The following BAZ1B variants were observed in gnomAD, a reference collection of about 807,000 sequenced individuals.
BAZ1B encodes the protein tyrosine-protein kinase BAZ1B.
Under a neutral mutation model 153.8 loss-of-function variants are expected in BAZ1B, and 22 were observed. The ratio of observed to expected loss-of-function variants is 0.14; its 90% CI spans 0.10 to 0.20. BAZ1B has a LOEUF of 0.20. Ranked by LOEUF, BAZ1B falls within the 10% of genes least tolerant of loss-of-function variation. The probability of loss-of-function intolerance (pLI) is 1.00; values close to 1 mark genes in which losing one functional copy is unlikely to be tolerated. For synonymous variants in BAZ1B, 676 were observed against 633.4 expected (o/e 1.07, Z -1.01); for missense variants, 1,325 against 1,799.3 (o/e 0.74, Z 4.77).
At chr7:73,499,156 T>C (rs782646034) in intron 3 of BAZ1B, among the ~76,000 whole-genome samples, 1 of 152,094 alleles carries the variant, frequency 6.6e-6, no homozygotes, top group South Asian at 2.1e-4. Flanking sequence ...GCCTCCGGAG[T>C]AGCTGGGACT....
At chr7:73,464,185 C>T in intron 11 of BAZ1B, 2 of 984,552 alleles carry the variant, frequency 2.0e-6, no homozygotes, top group Non-Finnish European at 2.4e-6. Context: ...TTCCTTCTCT[C>T]TTCCATCAAA....
At chr7:73,501,935 G>A (rs565684953) in intron 3 of BAZ1B, among the ~76,000 whole-genome samples, 138 of 142,302 alleles carry the variant, frequency 9.7e-4, no homozygotes, top group African/African-American at 3.6e-3. Context: ...CTGTCACCTA[G>A]GCTGGAGTGC....
Position 73,478,427 on chromosome 7 carries a change from G to T in BAZ1B, c.1034C>A (p.Ser345Ter). The T allele has an allele frequency of 1.2e-6, 2 of 1,613,118 alleles. No homozygotes were observed. The highest frequency in any genetic ancestry group is 2.2e-5 in the South Asian group (2 of 90,874). ...CACTTTGAGTGGCGAGCCACTCAAT[G>T]ACTTCTTCAAGTGTACGTGACACCA... is the stretch of plus-strand genomic sequence containing the variant. ...KLWCHVHLKKSLSGSPLKVKN... is the reference protein window; with the variant it reads ...KLWCHVHLKK The change falls in exon 7 of 20, where the codon TCA (serine) becomes TAA (stop). Residue 345 changes from serine to a stop codon, truncating the protein, a stop_gained. Transcript: ENST00000339594. LOFTEE classifies it high-confidence loss of function.
intron 16 of BAZ1B, 88 bp from the exon 17 acceptor site, chr7:73,444,217 A>T: frequency 7.1e-7 from 1 of 1,413,544 alleles, no homozygotes; most frequent in Non-Finnish European, 9.4e-7. Context: ...TGCAGGGAGA[A>T]TCCTTTTCCT....
At chr7:73,473,594 T>C (rs1376863301) in intron 7 of BAZ1B, among the ~76,000 whole-genome samples, 1 of 152,204 alleles carries the variant, frequency 6.6e-6, no homozygotes, top group African/African-American at 2.4e-5. Context: ...TACATATGTA[T>C]ACTCAGGCAC....
intron 4 of BAZ1B, among the ~76,000 whole-genome samples, chr7:73,497,368 T>C (rs184842161): frequency 5.8e-4 from 88 of 152,326 alleles, no homozygotes; most frequent in African/African-American, 1.9e-3. Flanking sequence ...TACAGTAGTA[T>C]AGTACGTACT....
intron 13 of BAZ1B, among the ~76,000 whole-genome samples, chr7:73,453,231 G>A (rs1382105865): frequency 6.6e-6 from 1 of 152,246 alleles, no homozygotes; most frequent in Non-Finnish European, 1.5e-5. Flanking sequence ...CCATTTTAAT[G>A]CAGAACACTG....
intron 4 of BAZ1B, 146 bp from the exon 5 acceptor site, chr7:73,493,067 A>T (rs1554575774): frequency 2.5e-6 from 2 of 791,970 alleles, no homozygotes; most frequent in African/African-American, 3.5e-5. Context: ...CTTAACTTCA[A>T]GGAGCTAAAG....
intron 12 of BAZ1B, 130 bp from the exon 13 acceptor site, chr7:73,459,848 A>G: frequency 1.3e-6 from 1 of 777,264 alleles, no homozygotes. Flanking sequence ...CGAGAGCCAC[A>G]TACCATTAAT....
At chr7:73,479,233 G>A (rs999218547) in intron 6 of BAZ1B, among the ~76,000 whole-genome samples, 1 of 151,990 alleles carries the variant, frequency 6.6e-6, no homozygotes, top group Non-Finnish European at 1.5e-5. Flanking sequence ...TTCTGGCCAG[G>A]CGCAGTGGCT....
At chr7:73,492,149 C>T (rs575496054) in intron 5 of BAZ1B, among the ~76,000 whole-genome samples, 1 of 151,922 alleles carries the variant, frequency 6.6e-6, no homozygotes, top group Non-Finnish European at 1.5e-5. Context: ...TGCGCCACCA[C>T]ACCTGGCAAA....
rs782313244 is a variant in BAZ1B, at chr7:73,521,859, G to T, written c.75C>A (p.Ile25=). 6.6e-7 allele frequency: 1 copy of T among 1,510,776 alleles called. No homozygotes were observed. Among genetic ancestry groups the T allele is most frequent in the Non-Finnish European group, 8.9e-7 (1 of 1,125,664 alleles). The allele number at this position is 1,510,776 out of a possible 1,614,324, so 93.6% of individuals were successfully genotyped here. ...TGCGGAAGGCCTCCTGAGTGTGCGG[G>T]ATGGTGAAGAGCGGCTCCTCTCCGG... is the stretch of plus-strand genomic sequence containing the variant. ...PLPGEEPLFT[I]PHTQEAFRTR... The change falls in exon 1 of 20, where the codon ATC becomes ATA. Residue 25 remains isoleucine, a synonymous_variant. Coordinates refer to ENST00000339594, the MANE Select transcript of BAZ1B (RefSeq NM_032408.4).
At chr7:73,503,101 G>A (rs2116429606) in intron 3 of BAZ1B, among the ~76,000 whole-genome samples, 1 of 152,228 alleles carries the variant, frequency 6.6e-6, no homozygotes, top group South Asian at 2.1e-4. Flanking sequence ...GCAAAACTGA[G>A]GGTAAATACT....
intron 4 of BAZ1B, among the ~76,000 whole-genome samples, chr7:73,494,404 T>A (rs1211417336): frequency 6.6e-6 from 1 of 150,616 alleles, no homozygotes; most frequent in Admixed American, 6.6e-5. Flanking sequence ...GAACATAAAA[T>A]GGAAAGTTGA....
chr7:73,474,809 T>C (rs78666597), intron 7 of BAZ1B, among the ~76,000 whole-genome samples: 1,713 of 152,062 alleles, frequency 0.011, 37 homozygotes, highest in African/African-American at 0.04. Flanking sequence ...ACACGCAAAA[T>C]AGATGAAAAT....
At position 73,515,385 on chromosome 7, in the gene BAZ1B, C is replaced by T. The variant is rs959026616; in HGVS notation, c.108-4533G>A. ...TCAAGCTTGACCCCGTGACTGGTTT[C>T]GACCAATAGATGTGAGCAGATGTAA... On this transcript the variant is annotated intron_variant, in intron 1 of 19. Coordinates refer to ENST00000339594, the MANE Select transcript of BAZ1B (RefSeq NM_032408.4). 1.1e-4 allele frequency among the ~76,000 whole-genome samples: 17 copies of T among 152,202 alleles called. 1 individual carries two copies. Among genetic ancestry groups the T allele is most frequent in the African/African-American group, 4.1e-4 (17 of 41,518 alleles).
In BAZ1B at chr7:73,522,042, A is replaced by C; in HGVS notation, c.-109T>G. The C allele has an allele frequency of 8.1e-6, 4 of 492,560 alleles. No homozygotes were observed. The highest frequency in any genetic ancestry group is 2.0e-5 in the African/African-American group (1 of 49,066). 30.5% of individuals were successfully genotyped at this position (492,560 alleles called of 1,614,324 possible). On this transcript the variant is annotated 5_prime_UTR_variant, in exon 1 of 20. Coordinates refer to ENST00000339594, the MANE Select transcript of BAZ1B (RefSeq NM_032408.4). ...AGGCGCCCGGGGGTGGGGTGGGGGA[A>C]GGGAGGGGTGAGAGGGCGGCGCGAA...
chr7:73,502,038 G>A (rs1479508201), intron 3 of BAZ1B, among the ~76,000 whole-genome samples: 3 of 151,708 alleles, frequency 2.0e-5, no homozygotes, highest in Non-Finnish European at 2.9e-5. Flanking sequence ...CTACAGGCAC[G>A]CGCCACCATG....
At chr7:73,514,097 C>G (rs1211675112) in intron 1 of BAZ1B, among the ~76,000 whole-genome samples, 5 of 152,126 alleles carry the variant, frequency 3.3e-5, no homozygotes, top group Admixed American at 6.6e-5. Flanking sequence ...CCAAAATGCT[C>G]CAATGAGCTC....
Sources: allele counts gnomAD v4.1 joint callset (sites outside exome capture counted in the v4.1 genomes callset), GRCh38; gene constraint gnomAD v4.1.1; transcripts MANE v1.5; gene names NCBI Gene and HGNC (gene_info 2026-07-23, HGNC 2026-07-21).